The following RBFOX1 variants were observed in gnomAD, a reference collection of about 807,000 sequenced individuals.
RBFOX1 encodes RNA binding protein fox-1 homolog 1.
RBFOX1 carries 8 observed loss-of-function variants against 57.7 expected under a neutral mutation model. That is an observed-to-expected ratio of 0.14 (90% CI 0.08 to 0.25). The LOEUF is 0.25. Among genes scored for constraint, RBFOX1 ranks in the 10% least tolerant of loss-of-function variants. RBFOX1 has a pLI of 1.00. For synonymous variants in RBFOX1, 326 were observed against 222.4 expected, an observed-to-expected ratio of 1.47 and a Z score of -4.15; for missense variants, 611 against 548.5, an observed-to-expected ratio of 1.11 and a Z score of -1.14.
At chr16:6,393,743 G>A (rs28639930) in intron 2 of RBFOX1, among the ~76,000 whole-genome samples, 8,795 of 152,230 alleles carry the variant, frequency 0.058, 549 homozygotes, top group African/African-American at 0.16. Flanking sequence ...AGGCAAGGCT[G>A]TGTGTTCCTT....
chr16:5,880,300 G>T (rs529936395), intron 4 of RBFOX1, among the ~76,000 whole-genome samples: 2 of 152,262 alleles, frequency 1.3e-5, no homozygotes, highest in East Asian at 3.9e-4. Context: ...ACCTCCACTG[G>T]TTTTTTGCCT....
chr16:7,388,581 A>G (rs1383301489), intron 4 of RBFOX1, among the ~76,000 whole-genome samples: 2 of 150,674 alleles, frequency 1.3e-5, no homozygotes, highest in African/African-American at 4.9e-5. Context: ...ATATGGTTCT[A>G]GGGAGGACAA....
chr16:5,429,680 T>C (rs145005147), intron 1 of RBFOX1, among the ~76,000 whole-genome samples: 2 of 152,204 alleles, frequency 1.3e-5, no homozygotes, highest in Admixed American at 6.5e-5. Context: ...ACCCTACCTC[T>C]GAGGGGCCAT....
intron 4 of RBFOX1, among the ~76,000 whole-genome samples, chr16:7,378,639 C>G (rs772795107): frequency 1.3e-5 from 2 of 152,118 alleles, no homozygotes; most frequent in African/African-American, 4.8e-5. Context: ...TTGAAGAATG[C>G]TTGGTACAAA....
chr16:7,046,924 C>A (rs57803601), intron 3 of RBFOX1, among the ~76,000 whole-genome samples: 1 of 151,752 alleles, frequency 6.6e-6, no homozygotes. Context: ...GTTTAACTTC[C>A]GTATTGTATA....
chr16:7,201,449 ATTCTT>A (rs1352441047), intron 4 of RBFOX1, among the ~76,000 whole-genome samples: 1 of 116,910 alleles, frequency 8.6e-6, no homozygotes, highest in African/African-American at 3.9e-5. Context: ...CCACGATCTG[ATTCTT>A]TTTTTTTTTT....
chr16:7,228,817 C>G (rs958559634), intron 4 of RBFOX1, among the ~76,000 whole-genome samples: 3 of 152,174 alleles, frequency 2.0e-5, no homozygotes, highest in Admixed American at 1.3e-4. Context: ...AAAACATAAT[C>G]TCTCGGTTCT....
At chr16:7,013,391 C>G (rs2093745157) in intron 3 of RBFOX1, among the ~76,000 whole-genome samples, 1 of 152,158 alleles carries the variant, frequency 6.6e-6, no homozygotes. Flanking sequence ...CACTTTCTGA[C>G]CCAGAGAACA....
intron 3 of RBFOX1, among the ~76,000 whole-genome samples, chr16:6,805,805 C>G (rs953762337): frequency 1.3e-5 from 2 of 152,192 alleles, no homozygotes; most frequent in Non-Finnish European, 2.9e-5. Context: ...ATTTTCACAT[C>G]TTCGCTGCCC....
intron 2 of RBFOX1, among the ~76,000 whole-genome samples, chr16:6,405,068 A>G (rs2093226913): frequency 1.3e-5 from 2 of 152,214 alleles, no homozygotes; most frequent in South Asian, 4.1e-4. Context: ...AATGATCAAG[A>G]GGCTTCCTGT....
rs1454858692 is a variant in RBFOX1 at position 7,190,149 on chromosome 16, T to C, written c.27+138051T>C. 2.6e-5 allele frequency among the ~76,000 whole-genome samples: 4 copies of C among 152,246 alleles called. No homozygotes were observed. In the East Asian group the frequency reaches 7.7e-4, roughly 29 times the overall value. ...GCCAAGGCGGGCAGATTGTTCTAGGTCAGGAGTTCGAGACCAGCCTTGCCA... is the reference window on the plus strand; with the variant it reads ...GCCAAGGCGGGCAGATTGTTCTAGGCCAGGAGTTCGAGACCAGCCTTGCCA... On this transcript the variant is annotated intron_variant, in intron 4 of 15. Transcript: ENST00000550418.
intron 3 of RBFOX1, among the ~76,000 whole-genome samples, chr16:6,963,540 A>G (rs534290981): frequency 3.2e-4 from 49 of 152,264 alleles, no homozygotes; most frequent in Middle Eastern, 3.4e-3. Flanking sequence ...CTCACTTGCA[A>G]TGTAAAATGT....
At chr16:6,361,998 A>G (rs977834230) in intron 2 of RBFOX1, among the ~76,000 whole-genome samples, 2 of 152,206 alleles carry the variant, frequency 1.3e-5, no homozygotes, top group African/African-American at 2.4e-5. Context: ...AGAAGAAAAC[A>G]AGCAAAGCCT....
At chr16:7,545,985 A>T (rs1374672188) in intron 5 of RBFOX1, among the ~76,000 whole-genome samples, 1 of 147,720 alleles carries the variant, frequency 6.8e-6, no homozygotes, top group Admixed American at 6.9e-5. Flanking sequence ...AGAAGCACTT[A>T]TTACTATTAT....
At chr16:6,934,079 AG>A (rs1477971416) in intron 3 of RBFOX1, among the ~76,000 whole-genome samples, 2 of 152,192 alleles carry the variant, frequency 1.3e-5, no homozygotes, top group African/African-American at 4.8e-5. Context: ...GGCGTACGAC[AG>A]CAGCATTTCA....
intron 4 of RBFOX1, among the ~76,000 whole-genome samples, chr16:7,267,029 G>A (rs1227062896): frequency 2.0e-5 from 3 of 152,144 alleles, no homozygotes; most frequent in South Asian, 2.1e-4. Context: ...GTGAGCCAGC[G>A]GGGTAGACAG....
At chr16:6,385,843 C>A (rs779040333) in intron 2 of RBFOX1, among the ~76,000 whole-genome samples, 3 of 152,170 alleles carry the variant, frequency 2.0e-5, no homozygotes, top group South Asian at 2.1e-4. Context: ...AAATACTAGT[C>A]TGGGGGAAGA....
chr16:6,951,828 G>C (rs1051636375), intron 3 of RBFOX1, among the ~76,000 whole-genome samples: 1 of 152,110 alleles, frequency 6.6e-6, no homozygotes, highest in African/African-American at 2.4e-5. Flanking sequence ...CCGCCTCCTG[G>C]GTTCAAGCGA....
At chr16:6,600,581 T>C (rs1450654317) in intron 2 of RBFOX1, among the ~76,000 whole-genome samples, 3 of 152,180 alleles carry the variant, frequency 2.0e-5, no homozygotes, top group Admixed American at 1.3e-4. Context: ...AAAAGACCGT[T>C]AATATTACTT....
Sources: allele counts gnomAD v4.1 joint callset (sites outside exome capture counted in the v4.1 genomes callset), GRCh38; gene constraint gnomAD v4.1.1; transcripts MANE v1.5; gene names NCBI Gene and HGNC (gene_info 2026-07-23, HGNC 2026-07-21).